The following CSMD1 variants were observed in gnomAD, a reference collection of about 807,000 sequenced individuals.
The protein encoded by CSMD1 is CUB and sushi domain-containing protein 1.
In CSMD1, 213 loss-of-function variants were observed where a neutral mutation model predicts 417.5. The ratio of observed to expected loss-of-function variants is 0.51; its 90% CI spans 0.46 to 0.57. The LOEUF (loss-of-function observed/expected upper bound fraction) is 0.57. Among genes scored for constraint, CSMD1 ranks in the 20% least tolerant of loss-of-function variants. The pLI, the probability that CSMD1 is intolerant of heterozygous loss-of-function variation, is 0.00. For missense variants in CSMD1, 6,923 were observed against 4,529.7 expected (o/e 1.53, Z -15.17); for synonymous variants, 2,862 against 1,736.8 (o/e 1.65, Z -16.11).
chr8:3,877,850 T>C (rs1020715532), intron 5 of CSMD1, among the ~76,000 whole-genome samples: 1 of 152,202 alleles, frequency 6.6e-6, no homozygotes, highest in Non-Finnish European at 1.5e-5. Context: ...TTTTGTCTAA[T>C]AATGACAAAC....
At chr8:3,874,367 C>G (rs910880111) in intron 5 of CSMD1, among the ~76,000 whole-genome samples, 7 of 152,198 alleles carry the variant, frequency 4.6e-5, no homozygotes, top group African/African-American at 1.2e-4. Context: ...GTATTTAGAA[C>G]TCTTTAAAGA....
At chr8:4,867,250 T>C (rs1419984646) in intron 1 of CSMD1, among the ~76,000 whole-genome samples, 1 of 152,086 alleles carries the variant, frequency 6.6e-6, no homozygotes, top group East Asian at 1.9e-4. Flanking sequence ...GGTTGTTAAA[T>C]ATGCAAATTG....
intron 7 of CSMD1, among the ~76,000 whole-genome samples, chr8:3,643,453 A>C (rs1252296028): frequency 1.3e-5 from 2 of 151,968 alleles, no homozygotes; most frequent in Non-Finnish European, 2.9e-5. Context: ...CTGTAATCCT[A>C]GCACTTTGGG....
intron 7 of CSMD1, among the ~76,000 whole-genome samples, chr8:3,676,719 G>A (rs562643564): frequency 6.6e-6 from 1 of 152,076 alleles, no homozygotes; most frequent in Admixed American, 6.6e-5. Context: ...AACTCAGTGT[G>A]ATCATTGAAA....
chr8:3,179,651 G>C (rs192460915), intron 37 of CSMD1, among the ~76,000 whole-genome samples: 1 of 152,138 alleles, frequency 6.6e-6, no homozygotes, highest in Non-Finnish European at 1.5e-5. Context: ...AGATGCTACA[G>C]GATAACTTTG....
At chr8:4,326,161 G>C (rs1468436205) in intron 3 of CSMD1, among the ~76,000 whole-genome samples, 1 of 152,152 alleles carries the variant, frequency 6.6e-6, no homozygotes, top group East Asian at 1.9e-4. Context: ...TTGTGCCAGA[G>C]AATTTGGCTT....
intron 54 of CSMD1, among the ~76,000 whole-genome samples, chr8:2,986,637 T>G (rs1805935064): frequency 6.6e-6 from 1 of 151,980 alleles, no homozygotes; most frequent in East Asian, 1.9e-4. Flanking sequence ...CCCGAGTAGG[T>G]GGGACTACAG....
Position 3,091,645 on chromosome 8 carries a change from G to C in CSMD1, c.7156C>G (p.Pro2386Ala). 6.2e-7 allele frequency: 1 copy of C among 1,609,452 alleles called. No individual in the cohort carries two copies. The highest frequency in any genetic ancestry group is 8.5e-7 in the Non-Finnish European group (1 of 1,179,004). ...TTCCCACTTAAGACTACTAGCAGAGGACTTTGCCCAGAAGAACCTAAGTGA... is the reference window on the plus strand; with the variant it reads ...TTCCCACTTAAGACTACTAGCAGAGCACTTTGCCCAGAAGAACCTAAGTGA... ...EVFDGSSGQS[P>A]LLVVLSGNHT... Residue 2386 changes from proline to alanine, a missense_variant, in exon 48 of 70, where the codon CCT becomes GCT. By Grantham distance (27) the Pro-to-Ala change is conservative. Coordinates refer to ENST00000635120, the MANE Select transcript of CSMD1 (RefSeq NM_033225.6).
chr8:4,936,506 C>G (rs1419926191), intron 1 of CSMD1, among the ~76,000 whole-genome samples: 1 of 152,186 alleles, frequency 6.6e-6, no homozygotes, highest in East Asian at 1.9e-4. Flanking sequence ...TCCAATTACA[C>G]TTCTATTGGA....
intron 12 of CSMD1, among the ~76,000 whole-genome samples, chr8:3,421,051 C>G (rs557541539): frequency 5.3e-5 from 8 of 152,228 alleles, no homozygotes; most frequent in African/African-American, 9.6e-5. Context: ...TGGTGGTGGT[C>G]ATTTTATTAC....
intron 5 of CSMD1, among the ~76,000 whole-genome samples, chr8:3,976,815 G>T (rs528801806): frequency 6.6e-6 from 1 of 152,164 alleles, no homozygotes; most frequent in African/African-American, 2.4e-5. Context: ...CTGTAGAATA[G>T]CATCTGTGAC....
At chr8:4,226,084 A>G (rs1042170372) in intron 3 of CSMD1, among the ~76,000 whole-genome samples, 8 of 149,468 alleles carry the variant, frequency 5.4e-5, no homozygotes, top group Non-Finnish European at 1.0e-4. Context: ...ACACACACAC[A>G]CACACACACA....
At chr8:3,126,612 T>C (rs571542741) in intron 41 of CSMD1, among the ~76,000 whole-genome samples, 1 of 152,312 alleles carries the variant, frequency 6.6e-6, no homozygotes, top group African/African-American at 2.4e-5. Context: ...CAATTTCCCA[T>C]ATCTATCGGC....
At chr8:4,805,580 G>C (rs1262525670) in intron 1 of CSMD1, among the ~76,000 whole-genome samples, 1 of 152,166 alleles carries the variant, frequency 6.6e-6, no homozygotes, top group African/African-American at 2.4e-5. Context: ...GAAATGGAGA[G>C]GAAGACGCTG....
chr8:4,642,429 A>G (rs1353957447), intron 1 of CSMD1, among the ~76,000 whole-genome samples: 1 of 152,180 alleles, frequency 6.6e-6, no homozygotes, highest in Admixed American at 6.5e-5. Context: ...GTTGCTCTGT[A>G]ATTCGTGCTG....
intron 50 of CSMD1, among the ~76,000 whole-genome samples, chr8:3,031,878 GGCTAT>G (rs1810363333): frequency 1.4e-5 from 2 of 140,780 alleles, no homozygotes; most frequent in African/African-American, 5.2e-5. Flanking sequence ...TTTTTTTTTT[GGCTAT>G]GCTATACCCT....
chr8:3,734,527 T>G (rs574617110), intron 6 of CSMD1, among the ~76,000 whole-genome samples: 2 of 152,190 alleles, frequency 1.3e-5, no homozygotes, highest in Admixed American at 6.5e-5. Context: ...CCTAACCAAC[T>G]TGGTGAAACC....
intron 1 of CSMD1, among the ~76,000 whole-genome samples, chr8:4,750,447 G>A (rs1287115969): frequency 6.6e-6 from 1 of 152,062 alleles, no homozygotes; most frequent in Non-Finnish European, 1.5e-5. Context: ...GAAAACCTTG[G>A]ATTAAATAAT....
chr8:3,921,571 T>C (rs1040637274), intron 5 of CSMD1, among the ~76,000 whole-genome samples: 3 of 152,136 alleles, frequency 2.0e-5, no homozygotes, highest in African/African-American at 4.8e-5. Flanking sequence ...GCTTCATCTA[T>C]TTTGGTGTGC....
Sources: allele counts gnomAD v4.1 joint callset (sites outside exome capture counted in the v4.1 genomes callset), GRCh38; gene constraint gnomAD v4.1.1; transcripts MANE v1.5; gene names NCBI Gene and HGNC (gene_info 2026-07-23, HGNC 2026-07-21).